The following C10orf90 variants were observed in gnomAD, a reference collection of about 807,000 sequenced individuals.
C10orf90 encodes (E2-independent) E3 ubiquitin-conjugating enzyme FATS.
C10orf90 carries 56 observed loss-of-function variants against 62.5 expected under a neutral mutation model. The observed-to-expected ratio is 0.90, with a 90% confidence interval of 0.72 to 1.12. C10orf90 has a LOEUF of 1.12. C10orf90 is among the 50% of genes most tolerant of loss of function. The probability of loss-of-function intolerance (pLI) is 0.00; values close to 1 mark genes in which losing one functional copy is unlikely to be tolerated. For missense variants in C10orf90, 970 were observed against 880.4 expected (o/e 1.10, Z -1.29); for synonymous variants, 386 against 340.4 (o/e 1.13, Z -1.47).
At chr10:126,605,313 C>T (rs114459879) in intron 2 of C10orf90, among the ~76,000 whole-genome samples, 1 of 152,202 alleles carries the variant, frequency 6.6e-6, no homozygotes, top group Non-Finnish European at 1.5e-5. Flanking sequence ...CCTCTCCCGA[C>T]CCCAATGCAA....
intron 2 of C10orf90, among the ~76,000 whole-genome samples, chr10:126,574,702 AT>A (rs1212062306): frequency 6.6e-6 from 1 of 152,100 alleles, no homozygotes; most frequent in Non-Finnish European, 1.5e-5. Context: ...AATAATATTA[AT>A]TAATAATCTC....
At chr10:126,486,537 T>C (rs567368587) in intron 4 of C10orf90, among the ~76,000 whole-genome samples, 2 of 152,338 alleles carry the variant, frequency 1.3e-5, no homozygotes, top group East Asian at 1.9e-4. Context: ...GTTTATGTCC[T>C]GTATTTTCAT....
intron 4 of C10orf90, among the ~76,000 whole-genome samples, chr10:126,482,615 C>A (rs908519450): frequency 1.3e-5 from 2 of 152,166 alleles, no homozygotes; most frequent in Non-Finnish European, 2.9e-5. Context: ...ATCATTTACT[C>A]CCTAACTAGC....
intron 7 of C10orf90, among the ~76,000 whole-genome samples, chr10:126,450,901 G>A (rs778029149): frequency 3.3e-5 from 5 of 152,122 alleles, no homozygotes; most frequent in Non-Finnish European, 5.9e-5. Context: ...AGAATGAGGA[G>A]ACAACCTGTA....
In C10orf90 at chr10:126,576,734, GTATAT is replaced by G. The variant is rs1564879198; in HGVS notation, c.314-62800_314-62796del. 4.2e-3 allele frequency among the ~76,000 whole-genome samples: 227 copies of G among 54,362 alleles called. 14 individuals are homozygous for G. Among genetic ancestry groups the G allele is most frequent in the African/African-American group, 0.015 (208 of 14,056 alleles). 35.7% of individuals were successfully genotyped at this position (54,362 alleles called of 152,430 possible). A position where few individuals can be genotyped will look rare whatever the true frequency, so the allele number is the denominator to read the frequency against. On this transcript the variant is annotated intron_variant, in intron 2 of 9. Transcript: ENST00000488181. ...ATATATACAAGATATACATATATAT[GTATAT>G]GTATATATACATATAGATAATATGT... is the stretch of plus-strand genomic sequence containing the variant.
chr10:126,545,399 A>G (rs904407144), intron 2 of C10orf90, among the ~76,000 whole-genome samples: 2 of 152,156 alleles, frequency 1.3e-5, no homozygotes, highest in Non-Finnish European at 2.9e-5. Context: ...TAAGGAAGGC[A>G]TCCTGACCTG....
At chr10:126,435,053 C>T (rs1857830746) in intron 7 of C10orf90, among the ~76,000 whole-genome samples, 1 of 152,184 alleles carries the variant, frequency 6.6e-6, no homozygotes, top group South Asian at 2.1e-4. Flanking sequence ...TTTCTAAAAT[C>T]ACTTCTAGCC....
At chr10:126,663,942 G>A (rs887710921) in intron 1 of C10orf90, among the ~76,000 whole-genome samples, 1 of 152,134 alleles carries the variant, frequency 6.6e-6, no homozygotes, top group Non-Finnish European at 1.5e-5. Context: ...CTTGCCCCTA[G>A]GGAGGTCCAT....
At chr10:126,544,000 A>T (rs1261772784) in intron 2 of C10orf90, among the ~76,000 whole-genome samples, 1 of 152,210 alleles carries the variant, frequency 6.6e-6, no homozygotes, top group African/African-American at 2.4e-5. Flanking sequence ...CCTGTGCTTC[A>T]GGGGTGGGTG....
At chr10:126,616,627 T>A (rs7082848) in intron 2 of C10orf90, among the ~76,000 whole-genome samples, 7,334 of 152,194 alleles carry the variant, frequency 0.048, 509 homozygotes, top group African/African-American at 0.16. Context: ...TGGCTCTTTG[T>A]CTACTAACTT....
At chr10:126,428,198 C>T (rs2133976105) in intron 8 of C10orf90, among the ~76,000 whole-genome samples, 1 of 151,796 alleles carries the variant, frequency 6.6e-6, no homozygotes, top group African/African-American at 2.4e-5. Context: ...TATATATGCA[C>T]AAATAAAAGT....
intron 7 of C10orf90, among the ~76,000 whole-genome samples, chr10:126,432,240 G>A (rs1857614575): frequency 6.6e-6 from 1 of 152,198 alleles, no homozygotes; most frequent in South Asian, 2.1e-4. Context: ...GCAGCTTTGG[G>A]CACTTTGAGA....
At position 126,433,731 on chromosome 10, in the gene C10orf90, C is replaced by CAAAAA. The variant is rs550647510; in HGVS notation, c.2189-3882_2189-3881insTTTTT. On this transcript the variant is annotated intron_variant, in intron 7 of 9. Coordinates refer to ENST00000488181, the MANE Select transcript of C10orf90 (RefSeq NM_001350921.2). ...TGTTTGAAAACAAAACAAAACAAAA[C>CAAAAA]GAAAACAAAACAAAACAAAACAGAG... is the stretch of plus-strand genomic sequence containing the variant. Among the ~76,000 whole-genome samples, 249 of 151,838 alleles carry CAAAAA rather than the reference C, an allele frequency of 1.6e-3. 1 individual carries two copies. Among genetic ancestry groups the CAAAAA allele is most frequent in the Admixed American group, 3.9e-3 (60 of 15,274 alleles).
At chr10:126,472,981 C>T (rs1252850189) in intron 4 of C10orf90, among the ~76,000 whole-genome samples, 2 of 152,078 alleles carry the variant, frequency 1.3e-5, no homozygotes. Flanking sequence ...TCTCCTGCTC[C>T]CTCAAATAAA....
intron 1 of C10orf90, among the ~76,000 whole-genome samples, chr10:126,647,223 T>C (rs1564908179): frequency 6.6e-6 from 1 of 152,326 alleles, no homozygotes; most frequent in East Asian, 1.9e-4. Flanking sequence ...CTAACTTTAG[T>C]GAGACTCCAG....
At chr10:126,538,182 T>G (rs960917300) in intron 2 of C10orf90, among the ~76,000 whole-genome samples, 4 of 151,868 alleles carry the variant, frequency 2.6e-5, no homozygotes, top group Admixed American at 2.6e-4. Flanking sequence ...GGCAAGAGAG[T>G]GTGTTCAGGG....
chr10:126,604,214 T>C (rs1845260078), intron 2 of C10orf90, among the ~76,000 whole-genome samples: 1 of 152,204 alleles, frequency 6.6e-6, no homozygotes, highest in African/African-American at 2.4e-5. Context: ...GGTAGCAGTC[T>C]GTCCTGGTCT....
At chr10:126,445,637 C>A (rs1464606772) in intron 7 of C10orf90, among the ~76,000 whole-genome samples, 1 of 151,986 alleles carries the variant, frequency 6.6e-6, no homozygotes, top group Non-Finnish European at 1.5e-5. Flanking sequence ...GTAGAACTAT[C>A]GTTTGATTCA....
intron 2 of C10orf90, among the ~76,000 whole-genome samples, chr10:126,615,498 C>A (rs372641941): frequency 6.6e-6 from 1 of 152,272 alleles, no homozygotes; most frequent in South Asian, 2.1e-4. Flanking sequence ...AAAAAAGATG[C>A]CTTTGAAGCA....
Sources: allele counts gnomAD v4.1 joint callset (sites outside exome capture counted in the v4.1 genomes callset), GRCh38; gene constraint gnomAD v4.1.1; transcripts MANE v1.5; gene names NCBI Gene and HGNC (gene_info 2026-07-23, HGNC 2026-07-21).